The following UBR4 variants were observed in gnomAD, a reference collection of about 807,000 sequenced individuals.
The protein encoded by UBR4 is E3 ubiquitin-protein ligase UBR4.
A neutral mutation model predicts 575.6 loss-of-function variants in UBR4; 124 were observed. The ratio of observed to expected loss-of-function variants is 0.22; its 90% CI spans 0.19 to 0.25. The LOEUF is 0.25. Ranked by LOEUF, UBR4 falls within the 10% of genes least tolerant of loss-of-function variation. UBR4 has a pLI of 1.00. For missense variants in UBR4, 4,818 were observed against 6,478.8 expected (o/e 0.74, Z 8.80); for synonymous variants, 2,455 against 2,473.7 (o/e 0.99, Z 0.22).
In UBR4 at chr1:19,201,778, G is replaced by C; in HGVS notation, c.214C>G (p.Pro72Ala). The change falls in exon 2 of 106, where the codon CCA (proline) becomes GCA (alanine). Residue 72 changes from proline (P) to alanine (A), a missense_variant. Around this residue, in one of 29 missense-constraint regions of UBR4, gnomAD observed 85 missense variants for 134.2 expected, o/e 0.63. Coordinates refer to ENST00000375254, the MANE Select transcript of UBR4 (RefSeq NM_020765.3). ...EILHHEKQYE[P>A]FYSSFVALST... is the part of the protein sequence containing the mutation. ...AGTGCAACAAAAGATGAGTAGAATGGCTCGTACTGCTTCTCATGGTGCAGG... is the reference window on the plus strand; with the variant it reads ...AGTGCAACAAAAGATGAGTAGAATGCCTCGTACTGCTTCTCATGGTGCAGG... The C allele has an allele frequency of 1.2e-6, 2 of 1,614,064 alleles. No individual in the cohort carries two copies. Among genetic ancestry groups the C allele is most frequent in the Non-Finnish European group, 1.7e-6 (2 of 1,179,962 alleles).
rs1340706502 is a variant in UBR4 at position 19,139,519 on chromosome 1, G to C, written c.8594-299C>G. Among the ~76,000 whole-genome samples, 1 of 152,308 alleles carries C rather than the reference G, an allele frequency of 6.6e-6. No individual in the cohort carries two copies. The highest frequency in any genetic ancestry group is 1.9e-4 in the East Asian group (1 of 5,184). ...TTTACATTACAGTGCAAGTAGAACA[G>C]TGCAGAGATTCAGTAAGAATCTGTG... On this transcript the variant is annotated intron_variant, in intron 58 of 105. Transcript: ENST00000375254. This position sits in a 1 kb window ranked among gnomAD's most constrained non-coding sequence, Gnocchi z 4.2.
At position 19,112,853 on chromosome 1, in the gene UBR4, C is replaced by T. The variant is rs117673421; in HGVS notation, c.11472G>A (p.Ser3824=). ...LSKIIQKVFA[S]RKELLEYDLQ... is the part of the protein sequence containing the mutation. ...GGTCATATTCCAACAACTCTTTGCG[C>T]GAAGCAAAGACTTTCTAAGAACAAA... The change falls in exon 78 of 106, where the codon TCG becomes TCA. Residue 3824 remains serine (S), a synonymous_variant. Transcript: ENST00000375254. 1,196 of 1,580,540 alleles carry T rather than the reference C, an allele frequency of 7.6e-4. 11 individuals are homozygous for T. In the East Asian group the frequency reaches 0.021, roughly 27 times the overall value.
intron 28 of UBR4, among the ~76,000 whole-genome samples, chr1:19,167,783 T>C (rs1232605656): frequency 1.3e-5 from 2 of 152,216 alleles, no homozygotes; most frequent in African/African-American, 4.8e-5. Flanking sequence ...AATTGCAATA[T>C]GTCTTAAAGC....
At chr1:19,176,869 G>T (rs2090319575) in intron 19 of UBR4, 142 bp from the exon 20 acceptor site, 2 of 981,750 alleles carry the variant, frequency 2.0e-6, no homozygotes, top group Non-Finnish European at 2.9e-6. Context: ...GTTTTATTGG[G>T]CACCATTCAG....
chr1:19,153,728 G>T lies in UBR4; in HGVS notation c.6630+40C>A. On this transcript the variant is annotated intron_variant, in intron 45 of 105. Transcript: ENST00000375254. The surrounding 1 kb of genome is among the most constrained non-coding windows in gnomAD (Gnocchi z 4.1). ...ATATACAAACATAAAAAGAGACCAG[G>T]TTCACAGCAAAGTAATGAATGGGAA... 6.3e-7 allele frequency: 1 copy of T among 1,594,588 alleles called. No individual in the cohort carries two copies. Among genetic ancestry groups the T allele is most frequent in the Non-Finnish European group, 8.5e-7 (1 of 1,170,874 alleles).
At chr1:19,137,046 C>T (rs2083278316) in intron 60 of UBR4, among the ~76,000 whole-genome samples, 1 of 152,054 alleles carries the variant, frequency 6.6e-6, no homozygotes, top group Non-Finnish European at 1.5e-5. Context: ...CACCTGTAAT[C>T]CCAGCACTTG....
At chr1:19,146,758 T>G in intron 52 of UBR4, 68 bp downstream of exon 52, 1 of 1,539,640 alleles carries the variant, frequency 6.5e-7, no homozygotes, top group Non-Finnish European at 8.8e-7. Flanking sequence ...GTAAGAACAG[T>G]AAGAATGAGA....
In UBR4 at chr1:19,075,963, T is replaced by C. The variant is rs2075893908; in HGVS notation, c.15487+777A>G. On this transcript the variant is annotated intron_variant, in intron 105 of 105. Coordinates refer to ENST00000375254, the MANE Select transcript of UBR4 (RefSeq NM_020765.3). ...GGTTTGGTTACCTGTGCGTTGGCTCTGGGGAGCTGACCTTTGTAGGGCGGG... is the reference window on the plus strand; with the variant it reads ...GGTTTGGTTACCTGTGCGTTGGCTCCGGGGAGCTGACCTTTGTAGGGCGGG... 2.0e-5 allele frequency among the ~76,000 whole-genome samples: 3 copies of C among 152,222 alleles called. 1 individual carries two copies. In the South Asian group the frequency reaches 6.2e-4, roughly 31 times the overall value.
chr1:19,207,315 C>T (rs1454791806), intron 1 of UBR4, among the ~76,000 whole-genome samples: 3 of 152,218 alleles, frequency 2.0e-5, no homozygotes, highest in African/African-American at 7.2e-5. Flanking sequence ...GAGACCTTTA[C>T]TTTTTAGAAA....
In UBR4 at chr1:19,112,651, T is replaced by C; in HGVS notation, c.11674A>G (p.Thr3892Ala). The C allele has an allele frequency of 6.2e-7, 1 of 1,614,244 alleles. No individual in the cohort carries two copies. The highest frequency in any genetic ancestry group is 8.5e-7 in the Non-Finnish European group (1 of 1,180,050). ...AGGATGTGCCTCAAGGCTGGGTTGG[T>C]GGCCAGGGCCCGAAGTAGTGTGATA... Reference protein sequence around the residue: ...HCITLLRALATNPALRHILVS... With the variant: ...HCITLLRALAANPALRHILVS... Residue 3892 changes from threonine to alanine, a missense_variant, in exon 78 of 106, where the codon ACC becomes GCC. Around this residue, in one of 29 missense-constraint regions of UBR4, gnomAD observed 333 missense variants for 459.2 expected, o/e 0.73. Transcript: ENST00000375254.
chr1:19,193,618 A>T, intron 8 of UBR4, 61 bp from the exon 9 acceptor site: 2 of 1,541,380 alleles, frequency 1.3e-6, no homozygotes, highest in Non-Finnish European at 1.8e-6. Context: ...ACCAAAGCTG[A>T]AACACAAAAG....
chr1:19,110,099 GTTC>G lies in UBR4; in HGVS notation c.12099_12101del (p.Lys4033del). 1.2e-6 allele frequency: 2 copies of G among 1,614,118 alleles called. No individual in the cohort carries two copies. Among genetic ancestry groups the G allele is most frequent in the Non-Finnish European group, 1.7e-6 (2 of 1,180,016 alleles). ...AGACCCCTGCTTGGCCCAGTACCTT[GTTC>G]TTCTTGCTAGTGGGAGCAGGTGGTT... On this transcript the variant is annotated inframe_deletion, in exon 81 of 106. Coordinates refer to ENST00000375254, the MANE Select transcript of UBR4 (RefSeq NM_020765.3). The surrounding 1 kb of genome is among the most constrained non-coding windows in gnomAD (Gnocchi z 4.5).
At chr1:19,138,247 A>G in intron 59 of UBR4, 66 bp from the exon 60 acceptor site, 1 of 1,411,542 alleles carries the variant, frequency 7.1e-7, no homozygotes. Flanking sequence ...AGTGCATTCT[A>G]AAGCAGCAGC....
intron 20 of UBR4, among the ~76,000 whole-genome samples, chr1:19,175,276 T>A (rs1404246686): frequency 6.6e-6 from 1 of 152,076 alleles, no homozygotes; most frequent in African/African-American, 2.4e-5. Flanking sequence ...ACCAAAAATA[T>A]CTAGACATTG....
intron 60 of UBR4, among the ~76,000 whole-genome samples, chr1:19,131,246 A>G (rs1454216708): frequency 9.4e-6 from 1 of 106,708 alleles, no homozygotes; most frequent in Non-Finnish European, 2.1e-5. Flanking sequence ...TGAAACTTAA[A>G]AAAAAAAAAA....
intron 17 of UBR4, 59 bp from the exon 18 acceptor site, chr1:19,179,279 G>T: frequency 6.9e-7 from 1 of 1,443,770 alleles, no homozygotes; most frequent in Non-Finnish European, 9.1e-7. Flanking sequence ...AAGTCAAAAG[G>T]TTACTCATGT....
Position 19,169,485 on chromosome 1 carries a change from C to T in UBR4, c.3691G>A (p.Glu1231Lys), listed in dbSNP as rs2089153053. 7.4e-6 allele frequency: 12 copies of T among 1,613,994 alleles called. No homozygotes were observed. Among genetic ancestry groups the T allele is most frequent in the Non-Finnish European group, 9.3e-6 (11 of 1,179,948 alleles). Residue 1231 changes from glutamate to lysine, a missense_variant, in exon 27 of 106, where the codon GAG becomes AAG. Physicochemically the swap from Glu to Lys is moderately conservative, Grantham distance 56. Coordinates refer to ENST00000375254, the MANE Select transcript of UBR4 (RefSeq NM_020765.3). ...NLPSSVQTVC[E>K]SWNNINTNEF... ...TTGGTATTGATGTTGTTCCAGGACT[C>T]ACACACAGTCTGCACTGACGATGGC...
intron 2 of UBR4, among the ~76,000 whole-genome samples, chr1:19,200,268 TAA>T (rs944168674): frequency 7.4e-6 from 1 of 135,234 alleles, no homozygotes; most frequent in African/African-American, 2.6e-5. Context: ...TGATGAGCTT[TAA>T]AAAAAAAAAG....
intron 19 of UBR4, 138 bp from the exon 20 acceptor site, chr1:19,176,865 T>C: frequency 9.7e-7 from 1 of 1,032,710 alleles, no homozygotes; most frequent in Non-Finnish European, 1.4e-6. Context: ...TTCTGTTTTA[T>C]TGGGCACCAT....
Sources: allele counts gnomAD v4.1 joint callset (sites outside exome capture counted in the v4.1 genomes callset), GRCh38; gene constraint gnomAD v4.1.1; regional missense constraint gnomAD v4.1.1; non-coding constraint Gnocchi (gnomAD v3.1); transcripts MANE v1.5; gene names NCBI Gene and HGNC (gene_info 2026-07-23, HGNC 2026-07-21).